Variants in NCOR1 observed in about 807,000 individuals in gnomAD.
NCOR1 encodes the protein nuclear receptor corepressor 1, also known as protein phosphatase 1, regulatory subunit 109.
A neutral mutation model predicts 288.1 loss-of-function variants in NCOR1; 63 were observed. The observed-to-expected ratio is 0.22, with a 90% CI of 0.18 to 0.27. The LOEUF (loss-of-function observed/expected upper bound fraction) is 0.27. Ranked by LOEUF, NCOR1 falls within the 10% of genes least tolerant of loss-of-function variation. The pLI, the probability that NCOR1 is intolerant of heterozygous loss-of-function variation, is 1.00. For missense variants in NCOR1, 2,397 were observed against 3,019.2 expected, an observed-to-expected ratio of 0.79 and a Z score of 4.83; for synonymous variants, 1,007 against 1,065.9, an observed-to-expected ratio of 0.94 and a Z score of 1.08.
At position 16,202,084 on chromosome 17, in the gene NCOR1, C is replaced by T. The variant is rs139749867; in HGVS notation, c.-70-7445G>A. Among the ~76,000 whole-genome samples the T allele has an allele frequency of 7.6e-3, 1,155 of 152,130 alleles. 18 individuals are homozygous for T. Among genetic ancestry groups the T allele is most frequent in the East Asian group, 0.05 (257 of 5,180 alleles). ...ACCAAAAATACAAAAATTAGCGGGG[C>T]GTAGTGGCGCACGCCTGTAATCCCA... On this transcript the variant is annotated intron_variant, in intron 1 of 45. Transcript: ENST00000268712.
intron 3 of NCOR1, among the ~76,000 whole-genome samples, chr17:16,182,053 T>C (rs1010512492): frequency 9.2e-5 from 14 of 152,306 alleles, no homozygotes; most frequent in Middle Eastern, 3.4e-3. Context: ...ATCACTGTGA[T>C]TGTTGGTCTA....
chr17:16,035,806 T>C (rs1428261513), intron 44 of NCOR1, among the ~76,000 whole-genome samples: 1 of 152,084 alleles, frequency 6.6e-6, no homozygotes, highest in African/African-American at 2.4e-5. Flanking sequence ...CCACCCAAAG[T>C]GCTGGGATTA....
intron 18 of NCOR1, among the ~76,000 whole-genome samples, chr17:16,112,105 ATGATCCACCCACCT>A (rs2070371916): frequency 6.6e-6 from 1 of 152,136 alleles, no homozygotes; most frequent in African/African-American, 2.4e-5. Context: ...TCCTGACCTA[ATGATCCACCCACCT>A]TGACGTCCCA....
At chr17:16,181,654 A>C (rs745967928) in intron 3 of NCOR1, among the ~76,000 whole-genome samples, 4 of 130,890 alleles carry the variant, frequency 3.1e-5, no homozygotes, top group Non-Finnish European at 5.2e-5. Context: ...TCACTGGCTA[A>C]ACTATGTGTA....
chr17:16,086,096 C>G (rs2064183495), intron 23 of NCOR1, among the ~76,000 whole-genome samples, 186 bp downstream of exon 23: 2 of 152,180 alleles, frequency 1.3e-5, no homozygotes. Flanking sequence ...ACATAACTCA[C>G]TGAAAGTTCT....
rs1567678176 is a variant in NCOR1 at position 16,044,709 on chromosome 17, C to T, written c.6679+2242G>A. Reference sequence around the variant, plus strand: ...ACCATCACGGAGGATAAGATCAATGCCCTCGTTAAAGCAGCTGGTGTAAAT... The same window carrying T: ...ACCATCACGGAGGATAAGATCAATGTCCTCGTTAAAGCAGCTGGTGTAAAT... On this transcript the variant is annotated intron_variant, in intron 42 of 45. Coordinates refer to ENST00000268712, the MANE Select transcript of NCOR1 (RefSeq NM_006311.4). 2.3e-5 allele frequency: 16 copies of T among 709,330 alleles called. 1 individual carries two copies. The highest frequency in any genetic ancestry group is 4.0e-5 in the Non-Finnish European group (15 of 377,816). The allele number at this position is 709,330 out of a possible 1,614,324, so 43.9% of individuals were successfully genotyped here.
chr17:16,214,715 G>A (rs980279822), intron 1 of NCOR1, among the ~76,000 whole-genome samples: 8 of 152,176 alleles, frequency 5.3e-5, no homozygotes, highest in South Asian at 4.2e-4. Context: ...CTCCATAAAG[G>A]CTGATTTCAC....
At chr17:16,167,731 G>A (rs148089793) in intron 4 of NCOR1, among the ~76,000 whole-genome samples, 2 of 151,220 alleles carry the variant, frequency 1.3e-5, no homozygotes, top group Non-Finnish European at 3.0e-5. Flanking sequence ...GTGGTGGTGC[G>A]AGCCTGTAAT....
intron 37 of NCOR1, 143 bp from the exon 38 acceptor site, chr17:16,058,742 T>C (rs1333143816): frequency 2.3e-6 from 2 of 855,730 alleles, no homozygotes; most frequent in Non-Finnish European, 3.4e-6. Flanking sequence ...TCTGAAGTTT[T>C]ATGGGCTTTA....
chr17:16,139,962 G>A (rs976064729), intron 11 of NCOR1, among the ~76,000 whole-genome samples: 2 of 151,984 alleles, frequency 1.3e-5, no homozygotes, highest in Non-Finnish European at 2.9e-5. Flanking sequence ...TAATTTCCTG[G>A]GACACTCTCA....
chr17:16,174,093 G>A (rs553045429), intron 3 of NCOR1, among the ~76,000 whole-genome samples: 7 of 152,178 alleles, frequency 4.6e-5, no homozygotes, highest in Non-Finnish European at 1.0e-4. Flanking sequence ...TCATATGTTG[G>A]AAGATAATGT....
intron 31 of NCOR1, chr17:16,068,433 T>C (rs999475021): frequency 1.1e-5 from 3 of 283,934 alleles, no homozygotes; most frequent in Non-Finnish European, 2.0e-5. Context: ...AATCATTTTG[T>C]TTTTTGTATG....
intron 42 of NCOR1, chr17:16,044,399 C>T: frequency 2.1e-6 from 1 of 471,260 alleles, no homozygotes; most frequent in South Asian, 1.5e-5. Context: ...AAACATCCAC[C>T]AGGCAGTTCA....
At chr17:16,205,117 G>A (rs1319991518) in intron 1 of NCOR1, among the ~76,000 whole-genome samples, 1 of 152,028 alleles carries the variant, frequency 6.6e-6, no homozygotes, top group Non-Finnish European at 1.5e-5. Context: ...CTACTCAGGA[G>A]GCTAAGGCAG....
At chr17:16,177,803 C>A (rs938114599) in intron 3 of NCOR1, among the ~76,000 whole-genome samples, 1 of 152,210 alleles carries the variant, frequency 6.6e-6, no homozygotes, top group African/African-American at 2.4e-5. Context: ...TCAAGCAAAC[C>A]ATTCACCACC....
At chr17:16,139,799 A>G (rs1287140864) in intron 11 of NCOR1, among the ~76,000 whole-genome samples, 1 of 152,186 alleles carries the variant, frequency 6.6e-6, no homozygotes, top group Non-Finnish European at 1.5e-5. Context: ...TTTTTCCCAA[A>G]GTTTAACTGA....
intron 14 of NCOR1, among the ~76,000 whole-genome samples, chr17:16,130,129 C>A (rs2324141): frequency 0.53 from 80,563 of 151,950 alleles, 21,758 homozygotes; most frequent in Middle Eastern, 0.61. Context: ...ACCTCTCACC[C>A]CTCTGTATAC....
rs143751832 is a variant in NCOR1 at position 16,087,801 on chromosome 17, C to G, written c.3017-1359G>C. On this transcript the variant is annotated intron_variant, in intron 22 of 45. Coordinates refer to ENST00000268712, the MANE Select transcript of NCOR1 (RefSeq NM_006311.4). ...AATGGAAGAAGCCTTTCAAAAGATGCAGATCAAACTAATTCAAAAATCCTA... is the reference window on the plus strand; with the variant it reads ...AATGGAAGAAGCCTTTCAAAAGATGGAGATCAAACTAATTCAAAAATCCTA... 2.4e-3 allele frequency among the ~76,000 whole-genome samples: 365 copies of G among 152,186 alleles called. 2 individuals carry two copies. Among genetic ancestry groups the G allele is most frequent in the African/African-American group, 8.6e-3 (357 of 41,520 alleles).
chr17:16,098,950 A>T (rs2067126361), intron 20 of NCOR1: 1 of 152,314 alleles, frequency 6.6e-6, no homozygotes, highest in East Asian at 1.9e-4. Context: ...AACATGGGTT[A>T]AAAACTAGTT....
Sources: gnomAD v4.1 joint callset for allele counts (sites outside exome capture counted in the v4.1 genomes callset) on GRCh38, gnomAD v4.1.1 for gene constraint, MANE v1.5 for transcripts, NCBI Gene and HGNC (gene_info 2026-07-23, HGNC 2026-07-21) for gene names.